The following VPS13B variants were observed in gnomAD, a reference collection of about 807,000 sequenced individuals.
VPS13B encodes intermembrane lipid transfer protein VPS13B.
VPS13B carries 285 observed loss-of-function variants against 426.4 expected under a neutral mutation model. The observed-to-expected ratio is 0.67, with a 90% CI of 0.61 to 0.74. The LOEUF is 0.74. VPS13B is among the 30% of genes least tolerant of loss of function. The pLI, the probability that VPS13B is intolerant of heterozygous loss-of-function variation, is 0.00. For missense variants in VPS13B, 4,537 were observed against 4,782.6 expected (o/e 0.95, Z 1.51); for synonymous variants, 1,676 against 1,676.4 (o/e 1.00, Z 0.01).
At chr8:99,685,736 C>A (rs1405954987) in intron 35 of VPS13B, among the ~76,000 whole-genome samples, 3 of 152,174 alleles carry the variant, frequency 2.0e-5, no homozygotes, top group African/African-American at 7.2e-5. Flanking sequence ...TGACAGGATT[C>A]TGAATTCCTT....
chr8:99,250,739 C>A (rs375221850), intron 17 of VPS13B, among the ~76,000 whole-genome samples: 19 of 113,872 alleles, frequency 1.7e-4, no homozygotes, highest in African/African-American at 5.7e-4. Flanking sequence ...GGCTGGAGTG[C>A]AGTGGCACAA....
chr8:99,403,309 G>T (rs1007333817), intron 21 of VPS13B, among the ~76,000 whole-genome samples: 2 of 152,146 alleles, frequency 1.3e-5, no homozygotes, highest in African/African-American at 4.8e-5. Flanking sequence ...AGCACTTTAA[G>T]AGGTCGAGGT....
At chr8:99,332,704 A>C (rs1810610884) in intron 19 of VPS13B, among the ~76,000 whole-genome samples, 1 of 151,610 alleles carries the variant, frequency 6.6e-6, no homozygotes, top group Non-Finnish European at 1.5e-5. Context: ...GACTTTATTC[A>C]TTTTCTTCCA....
intron 35 of VPS13B, among the ~76,000 whole-genome samples, chr8:99,674,494 C>T (rs1661872216): frequency 6.6e-6 from 1 of 151,948 alleles, no homozygotes; most frequent in African/African-American, 2.4e-5. Context: ...CTCTTGTAAG[C>T]AGCATATAGT....
In VPS13B at chr8:99,050,175, C is replaced by T. The variant is rs756478762; in HGVS notation, c.291+11609C>T. On this transcript the variant is annotated intron_variant, in intron 3 of 61. Transcript: ENST00000357162. ...CATTAGGTATATCTCCTAATGCTATCGCTCCCCCCTCCCCCCACCACACAA... is the reference window on the plus strand; with the variant it reads ...CATTAGGTATATCTCCTAATGCTATTGCTCCCCCCTCCCCCCACCACACAA... Among the ~76,000 whole-genome samples, 5 of 151,940 alleles carry T rather than the reference C, an allele frequency of 3.3e-5. 1 individual carries two copies. In the South Asian group the frequency reaches 1.0e-3, roughly 32 times the overall value.
At chr8:99,581,633 C>A (rs1826063393) in intron 33 of VPS13B, among the ~76,000 whole-genome samples, 1 of 152,086 alleles carries the variant, frequency 6.6e-6, no homozygotes, top group Non-Finnish European at 1.5e-5. Context: ...GGTTGAGTCC[C>A]CTATCTGAAA....
Position 99,854,267 on chromosome 8 carries a change from A to G in VPS13B, c.10867+11A>G, listed in dbSNP as rs376656751. On this transcript the variant is annotated intron_variant, in intron 56 of 61. Transcript: ENST00000357162. ...CCCTTTTTAGAGCAGGTAAGAACAC[A>G]AGCTGAGGGTCTGTGATGAGCTAGA... 2.4e-4 allele frequency: 380 copies of G among 1,611,954 alleles called. No individual in the cohort carries two copies. Among genetic ancestry groups the G allele is most frequent in the Non-Finnish European group, 2.8e-4 (335 of 1,179,486 alleles).
rs532969580 is a variant in VPS13B at position 99,809,325 on chromosome 8, G to A, written c.7942-50G>A. ...AATGAGACTTTCATTTTAGGACTAGGTTTTTGTTGGCACGTTTGGCATTAT... is the reference window on the plus strand; with the variant it reads ...AATGAGACTTTCATTTTAGGACTAGATTTTTGTTGGCACGTTTGGCATTAT... On this transcript the variant is annotated intron_variant, in intron 43 of 61. Coordinates refer to ENST00000357162, the MANE Select transcript of VPS13B (RefSeq NM_152564.5). The A allele has an allele frequency of 5.6e-6, 9 of 1,612,338 alleles. No homozygotes were observed. In the African/African-American group the frequency reaches 1.2e-4, roughly 21 times the overall value.
chr8:99,166,684 A>C (rs1812023038), intron 15 of VPS13B, among the ~76,000 whole-genome samples: 1 of 152,178 alleles, frequency 6.6e-6, no homozygotes, highest in African/African-American at 2.4e-5. Context: ...TTACAATTCC[A>C]ATGTCTTTTT....
intron 33 of VPS13B, among the ~76,000 whole-genome samples, chr8:99,590,973 G>T (rs1193839867): frequency 6.6e-6 from 1 of 152,036 alleles, no homozygotes; most frequent in Middle Eastern, 3.2e-3. Context: ...GGGAGTCTAA[G>T]TCTCTTTGTA....
At chr8:99,106,718 G>T (rs563441747) in intron 5 of VPS13B, among the ~76,000 whole-genome samples, 184 of 152,132 alleles carry the variant, frequency 1.2e-3, no homozygotes, top group African/African-American at 4.1e-3. Context: ...AGATTATTTT[G>T]CTCAATATTA....
At chr8:99,788,731 A>AT (rs1218420432) in intron 43 of VPS13B, among the ~76,000 whole-genome samples, 1 of 152,118 alleles carries the variant, frequency 6.6e-6, no homozygotes, top group Non-Finnish European at 1.5e-5. Flanking sequence ...TATTCTTTTG[A>AT]TTTTTTCCAT....
At chr8:99,254,337 T>A (rs1205599368) in intron 17 of VPS13B, among the ~76,000 whole-genome samples, 1 of 152,140 alleles carries the variant, frequency 6.6e-6, no homozygotes, top group Non-Finnish European at 1.5e-5. Flanking sequence ...GTACTTTTTT[T>A]TAAAGCAATT....
At chr8:99,641,164 G>T (rs962950184) in intron 33 of VPS13B, among the ~76,000 whole-genome samples, 2 of 152,226 alleles carry the variant, frequency 1.3e-5, no homozygotes, top group Admixed American at 1.3e-4. Flanking sequence ...ACCCTCAAGG[G>T]TTTAAATTAC....
chr8:99,109,358 A>C (rs1266584960), intron 5 of VPS13B, among the ~76,000 whole-genome samples: 6 of 151,778 alleles, frequency 4.0e-5, no homozygotes, highest in Non-Finnish European at 8.8e-5. Flanking sequence ...GGTATCCTTG[A>C]AATTTGAATA....
chr8:99,046,092 G>A (rs1035186974), intron 3 of VPS13B, among the ~76,000 whole-genome samples: 8 of 152,026 alleles, frequency 5.3e-5, no homozygotes, highest in Non-Finnish European at 1.0e-4. Flanking sequence ...GATGATGGTG[G>A]CATTTTTATG....
intron 14 of VPS13B, among the ~76,000 whole-genome samples, chr8:99,150,424 GT>G (rs1704097153): frequency 6.6e-6 from 1 of 152,062 alleles, no homozygotes; most frequent in African/African-American, 2.4e-5. Context: ...TTACATTAGG[GT>G]TCACTCTTGG....
chr8:99,342,610 G>A (rs996069840), intron 19 of VPS13B, among the ~76,000 whole-genome samples: 3 of 152,032 alleles, frequency 2.0e-5, no homozygotes, highest in African/African-American at 4.8e-5. Context: ...AGTCTATTGT[G>A]TATATATACT....
intron 25 of VPS13B, among the ~76,000 whole-genome samples, chr8:99,497,578 C>CT (rs1820996523): frequency 6.6e-6 from 1 of 151,574 alleles, no homozygotes; most frequent in Non-Finnish European, 1.5e-5. Context: ...GAAGTGGTTC[C>CT]TTTTTTAATG....
Sources: gnomAD v4.1 joint callset for allele counts (sites outside exome capture counted in the v4.1 genomes callset) on GRCh38, gnomAD v4.1.1 for gene constraint, MANE v1.5 for transcripts, NCBI Gene and HGNC (gene_info 2026-07-23, HGNC 2026-07-21) for gene names.